Variants in RELCH observed in about 807,000 individuals in gnomAD.
RELCH encodes the protein RAB11 binding and LisH domain, coiled-coil and HEAT repeat containing.
A neutral mutation model predicts 150.3 loss-of-function variants in RELCH; 41 were observed. That is an observed-to-expected ratio of 0.27 (90% confidence interval 0.21 to 0.35). RELCH has a LOEUF of 0.35. Among genes scored for constraint, RELCH ranks in the 10% least tolerant of loss-of-function variants. RELCH has a pLI of 1.00. For missense variants in RELCH, 1,092 were observed against 1,467.8 expected, an observed-to-expected ratio of 0.74 and a Z score of 4.18; for synonymous variants, 478 against 531.8, an observed-to-expected ratio of 0.90 and a Z score of 1.39.
chr18:62,194,230 A>T (rs1488307663), intron 1 of RELCH, among the ~76,000 whole-genome samples: 1 of 152,160 alleles, frequency 6.6e-6, no homozygotes, highest in Non-Finnish European at 1.5e-5. Context: ...GGGAGAAAGA[A>T]CGAGACCCTG....
At chr18:62,206,392 T>C (rs910609341) in intron 1 of RELCH, among the ~76,000 whole-genome samples, 2 of 152,342 alleles carry the variant, frequency 1.3e-5, no homozygotes, top group Non-Finnish European at 2.9e-5. Context: ...GTTCACCTAA[T>C]AGGGATTTAA....
chr18:62,208,394 G>A (rs1158784991), intron 1 of RELCH, among the ~76,000 whole-genome samples: 2 of 150,692 alleles, frequency 1.3e-5, no homozygotes, highest in East Asian at 3.9e-4. Context: ...ATGAAATCTA[G>A]TTTATCAGTT....
chr18:62,235,930 T>C lies in RELCH; in HGVS notation c.1620+3503T>C, dbSNP rs921636276. Among the ~76,000 whole-genome samples the C allele has an allele frequency of 2.0e-5, 3 of 152,182 alleles. No homozygotes were observed. The East Asian group carries it at 5.8e-4, about 29-fold the overall frequency. ...ATAGTTTTGCTTCTTCTTTACAATA[T>C]AGATGGCTTTTATTTTTTCCTCTTG... On this transcript the variant is annotated intron_variant, in intron 10 of 28. Transcript: ENST00000644646.
intron 26 of RELCH, among the ~76,000 whole-genome samples, chr18:62,289,604 A>G (rs1044697654): frequency 1.3e-5 from 2 of 152,192 alleles, no homozygotes; most frequent in African/African-American, 4.8e-5. Flanking sequence ...AGCAGAGATA[A>G]CAGAGGCTGA....
In RELCH at chr18:62,252,650, A is replaced by T. The variant is rs770895920; in HGVS notation, c.1734-14A>T. ...CTCATGCAAATACAAGCCGTTTTTTATATTATTTTTCAGGCAAATGATACT... is the reference window on the plus strand; with the variant it reads ...CTCATGCAAATACAAGCCGTTTTTTTTATTATTTTTCAGGCAAATGATACT... On this transcript the variant is annotated splice_polypyrimidine_tract_variant and intron_variant, in intron 11 of 28. Coordinates refer to ENST00000644646, the MANE Select transcript of RELCH (RefSeq NM_001346231.2). 1.2e-5 allele frequency: 19 copies of T among 1,609,634 alleles called. No individual in the cohort carries two copies. The highest frequency in any genetic ancestry group is 1.6e-5 in the Non-Finnish European group (19 of 1,176,192).
intron 1 of RELCH, among the ~76,000 whole-genome samples, chr18:62,189,197 A>T (rs2148147109): frequency 6.6e-6 from 1 of 151,292 alleles, no homozygotes; most frequent in Middle Eastern, 3.5e-3. Flanking sequence ...GCTGACCTTT[A>T]AGACTATAAA....
intron 1 of RELCH, 94 bp downstream of exon 1, chr18:62,188,125 T>C (rs1446041102): frequency 2.2e-6 from 3 of 1,354,808 alleles, no homozygotes; most frequent in South Asian, 3.1e-5. Context: ...TGGGTCCCGA[T>C]AGGGACATTT....
At position 62,188,057 on chromosome 18, in the gene RELCH, C is replaced by T. The variant is rs752834934; in HGVS notation, c.526+26C>T. ...GTAAGTGGACGCAGCCTGTCACACT[C>T]CGGCAGGGTATTTGGGATTGTACGG... On this transcript the variant is annotated intron_variant, in intron 1 of 28. Transcript: ENST00000644646. 7.9e-6 allele frequency: 12 copies of T among 1,523,670 alleles called. No homozygotes were observed. In the African/African-American group the frequency reaches 1.5e-4, roughly 19 times the overall value. 94.4% of individuals were successfully genotyped at this position (1,523,670 alleles called of 1,614,324 possible).
intron 22 of RELCH, 69 bp downstream of exon 22, chr18:62,275,542 A>T (rs767076869): frequency 3.1e-5 from 29 of 922,956 alleles, no homozygotes; most frequent in South Asian, 3.1e-4. Context: ...GAAGAAGGGA[A>T]TTTTTTTTAA....
intron 10 of RELCH, among the ~76,000 whole-genome samples, chr18:62,243,312 A>C (rs1031359716): frequency 1.3e-5 from 2 of 152,114 alleles, no homozygotes; most frequent in Admixed American, 6.5e-5. Context: ...CTTCTACAGA[A>C]TCAGGACTAA....
intron 1 of RELCH, among the ~76,000 whole-genome samples, chr18:62,192,334 G>T (rs2038707732): frequency 6.6e-6 from 1 of 152,126 alleles, no homozygotes. Flanking sequence ...CTCCCATTCT[G>T]TAGGTTGTCT....
chr18:62,200,927 G>T (rs1858825026), intron 1 of RELCH, among the ~76,000 whole-genome samples: 1 of 145,832 alleles, frequency 6.9e-6, no homozygotes, highest in Admixed American at 6.9e-5. Flanking sequence ...ATACATCTCT[G>T]AGATCCCACC....
rs901378438 is a variant in RELCH at position 62,307,889 on chromosome 18, C to T, written c.*2355C>T. The T allele has an allele frequency of 6.6e-6, 1 of 152,152 alleles. No homozygotes were observed. The highest frequency in any genetic ancestry group is 2.4e-5 in the African/African-American group (1 of 41,434). 9.4% of individuals were successfully genotyped at this position (152,152 alleles called of 1,614,324 possible). ...TCCAAGAACAGTGCTTGAATGATGG[C>T]AGTATCTATCTCTATACATAGGTGT... is the stretch of plus-strand genomic sequence containing the variant. On this transcript the variant is annotated 3_prime_UTR_variant, in exon 29 of 29. Transcript: ENST00000644646.
intron 13 of RELCH, among the ~76,000 whole-genome samples, chr18:62,256,395 A>G (rs2042993556): frequency 6.6e-6 from 1 of 151,904 alleles, no homozygotes; most frequent in African/African-American, 2.4e-5. Context: ...GCACGGTGAA[A>G]TTTTTTTAAT....
At chr18:62,288,796 A>G (rs1266000310) in intron 26 of RELCH, among the ~76,000 whole-genome samples, 1 of 152,170 alleles carries the variant, frequency 6.6e-6, no homozygotes, top group East Asian at 1.9e-4. Flanking sequence ...AAGCAAAAAG[A>G]GGAACTGATA....
At chr18:62,200,384 C>T (rs1476047893) in intron 1 of RELCH, among the ~76,000 whole-genome samples, 11 of 152,178 alleles carry the variant, frequency 7.2e-5, no homozygotes, top group African/African-American at 2.6e-4. Context: ...AAGTACATAG[C>T]TTCAGTTCTC....
chr18:62,192,492 A>T (rs1026362557), intron 1 of RELCH, among the ~76,000 whole-genome samples: 1 of 152,064 alleles, frequency 6.6e-6, no homozygotes, highest in South Asian at 2.1e-4. Context: ...TATTGCCTAG[A>T]TTTTCTTCAA....
rs2041347313 is a variant in RELCH, at chr18:62,228,416, T to C, written c.1266T>C (p.His422=). ...PHKDSEDSGQ[H]PDVNSSDKGK... The stretch of plus-strand genomic sequence containing the variant: ...AAGACTCTGAGGACAGTGGACAGCA[T>C]CCAGATGTAAATAGTTCAGACAAGG... Residue 422 remains histidine, a synonymous_variant, in exon 8 of 29, where the codon CAT becomes CAC. Coordinates refer to ENST00000644646, the MANE Select transcript of RELCH (RefSeq NM_001346231.2). 6.2e-7 allele frequency: 1 copy of C among 1,613,396 alleles called. No homozygotes were observed. The highest frequency in any genetic ancestry group is 8.5e-7 in the Non-Finnish European group (1 of 1,179,610).
At chr18:62,249,563 G>C (rs12604432) in intron 11 of RELCH, among the ~76,000 whole-genome samples, 1 of 151,996 alleles carries the variant, frequency 6.6e-6, no homozygotes, top group African/African-American at 2.4e-5. Context: ...TGGTAATTTA[G>C]TTAATAATTA....
Sources: allele counts gnomAD v4.1 joint callset (sites outside exome capture counted in the v4.1 genomes callset), GRCh38; gene constraint gnomAD v4.1.1; transcripts MANE v1.5; gene names NCBI Gene and HGNC (gene_info 2026-07-23, HGNC 2026-07-21).